The following RAB7A variants were observed in gnomAD, a reference collection of about 807,000 sequenced individuals.
RAB7A encodes ras-related protein Rab-7a.
RAB7A carries 2 observed loss-of-function variants against 24.5 expected under a neutral mutation model. The observed-to-expected ratio is 0.08, with a 90% CI of 0.03 to 0.26. The LOEUF (loss-of-function observed/expected upper bound fraction) is 0.26, where lower values mean the gene tolerates loss of function less well. Ranked by LOEUF, RAB7A falls within the 10% of genes least tolerant of loss-of-function variation. The pLI is 1.00. For missense variants in RAB7A, 118 were observed against 255.7 expected (o/e 0.46, Z 3.67); for synonymous variants, 100 against 95.9 (o/e 1.04, Z -0.25).
chr3:128,778,656 A>G (rs1424636199), intron 1 of RAB7A, among the ~76,000 whole-genome samples: 2 of 152,212 alleles, frequency 1.3e-5, no homozygotes, highest in East Asian at 1.9e-4. Flanking sequence ...GTTTTTCTTC[A>G]TATGTGACAT....
At position 128,813,603 on chromosome 3, in the gene RAB7A, G is replaced by T. The variant is rs3206306; in HGVS notation, c.*181G>T. 1 of 512,742 alleles carries T rather than the reference G, an allele frequency of 2.0e-6. No individual in the cohort carries two copies. Among genetic ancestry groups the T allele is most frequent in the Non-Finnish European group, 3.7e-6 (1 of 269,110 alleles). 31.8% of individuals were successfully genotyped at this position (512,742 alleles called of 1,614,324 possible). On this transcript the variant is annotated 3_prime_UTR_variant, in exon 6 of 6. Transcript: ENST00000265062. ...ATATCTCTCACACACACACACACAC[G>T]CACACACACACACACAGATCTGACG...
chr3:128,728,153 T>C (rs181079686), intron 1 of RAB7A, among the ~76,000 whole-genome samples: 13 of 152,342 alleles, frequency 8.5e-5, no homozygotes, highest in South Asian at 4.1e-4. Flanking sequence ...GCGTGGTTCC[T>C]GTCCTCAAGG....
chr3:128,764,966 C>G, intron 1 of RAB7A: 1 of 1,596,504 alleles, frequency 6.3e-7, no homozygotes. Flanking sequence ...ATGGCGGCCT[C>G]TGAGTCCTGG....
intron 1 of RAB7A, among the ~76,000 whole-genome samples, chr3:128,740,356 G>A (rs984907812): frequency 1.3e-5 from 2 of 152,100 alleles, no homozygotes; most frequent in African/African-American, 4.8e-5. Flanking sequence ...ACTCCAGCCT[G>A]GCAACAGAGA....
chr3:128,756,899 A>G (rs2070734042), intron 1 of RAB7A, among the ~76,000 whole-genome samples: 2 of 148,368 alleles, frequency 1.3e-5, no homozygotes, highest in Non-Finnish European at 1.5e-5. Context: ...GCTGGAGTGC[A>G]GTGGCATGAT....
intron 1 of RAB7A, among the ~76,000 whole-genome samples, chr3:128,739,474 C>G (rs926236421): frequency 1.2e-4 from 18 of 150,396 alleles, no homozygotes; most frequent in African/African-American, 4.4e-4. Context: ...GATCGCGCCA[C>G]TGCACTCCAG....
intron 1 of RAB7A, among the ~76,000 whole-genome samples, chr3:128,751,457 T>A (rs1248858324): frequency 6.6e-6 from 1 of 152,222 alleles, no homozygotes; most frequent in Non-Finnish European, 1.5e-5. Context: ...TTTGGAGATT[T>A]AAGATTTAAA....
chr3:128,742,475 G>A (rs2070564315), intron 1 of RAB7A, among the ~76,000 whole-genome samples: 1 of 152,142 alleles, frequency 6.6e-6, no homozygotes, highest in African/African-American at 2.4e-5. Context: ...ATTTTACAGA[G>A]AGCTGATTGG....
intron 1 of RAB7A, among the ~76,000 whole-genome samples, chr3:128,788,564 T>G (rs1258340649): frequency 6.6e-6 from 1 of 152,178 alleles, no homozygotes; most frequent in Non-Finnish European, 1.5e-5. Context: ...CTGGGGGTCT[T>G]GGGGCCTACC....
chr3:128,806,692 C>G, intron 4 of RAB7A, 102 bp downstream of exon 4: 1 of 1,180,728 alleles, frequency 8.5e-7, no homozygotes, highest in East Asian at 2.5e-5. Flanking sequence ...CTAGGAGGTG[C>G]TGGTGGGAGT....
chr3:128,736,465 A>G (rs1439200693), intron 1 of RAB7A, among the ~76,000 whole-genome samples: 3 of 152,186 alleles, frequency 2.0e-5, no homozygotes, highest in South Asian at 2.1e-4. Context: ...TGTAGTAACC[A>G]ATAACCTCAA....
At chr3:128,809,131 G>T (rs888861896) in intron 5 of RAB7A, among the ~76,000 whole-genome samples, 3 of 152,170 alleles carry the variant, frequency 2.0e-5, no homozygotes, top group African/African-American at 7.2e-5. Context: ...CTGTTGCCTG[G>T]CATCACTGTC....
chr3:128,810,834 A>G (rs1471898607), intron 5 of RAB7A, among the ~76,000 whole-genome samples: 1 of 152,120 alleles, frequency 6.6e-6, no homozygotes, highest in Admixed American at 6.5e-5. Flanking sequence ...CGGGTGGATC[A>G]CCTTAGGTCA....
intron 1 of RAB7A, among the ~76,000 whole-genome samples, chr3:128,762,743 G>A (rs902615352): frequency 1.3e-5 from 2 of 152,176 alleles, no homozygotes; most frequent in Non-Finnish European, 2.9e-5. Flanking sequence ...TTAGGATCCA[G>A]TGAGAGCTTC....
At chr3:128,760,857 C>T (rs1479202728) in intron 1 of RAB7A, among the ~76,000 whole-genome samples, 1 of 152,184 alleles carries the variant, frequency 6.6e-6, no homozygotes, top group South Asian at 2.1e-4. Context: ...GGTCCCATAG[C>T]GACTTCAGTT....
chr3:128,788,172 A>G (rs183064968), intron 1 of RAB7A, among the ~76,000 whole-genome samples: 17 of 152,346 alleles, frequency 1.1e-4, no homozygotes, highest in Non-Finnish European at 2.2e-4. Context: ...CAATGTTGCA[A>G]TGCTTGTGTT....
intron 2 of RAB7A, among the ~76,000 whole-genome samples, 197 bp downstream of exon 2, chr3:128,795,617 A>C (rs1014927564): frequency 6.6e-6 from 1 of 151,752 alleles, no homozygotes; most frequent in African/African-American, 2.4e-5. Context: ...ATGATTTTTT[A>C]TGGGGAACGG....
intron 1 of RAB7A, among the ~76,000 whole-genome samples, chr3:128,741,051 A>G (rs1328401664): frequency 6.6e-6 from 1 of 151,166 alleles, no homozygotes; most frequent in Non-Finnish European, 1.5e-5. Flanking sequence ...TATTAACTAC[A>G]TTTTTTTATA....
At chr3:128,774,434 A>G (rs1462585605) in intron 1 of RAB7A, among the ~76,000 whole-genome samples, 1 of 150,300 alleles carries the variant, frequency 6.7e-6, no homozygotes, top group African/African-American at 2.4e-5. Flanking sequence ...CAGTTGGATC[A>G]TCTTTTGAAC....
Sources: gnomAD v4.1 joint callset for allele counts (sites outside exome capture counted in the v4.1 genomes callset) on GRCh38, gnomAD v4.1.1 for gene constraint, MANE v1.5 for transcripts, NCBI Gene and HGNC (gene_info 2026-07-23, HGNC 2026-07-21) for gene names.